Variants in ATP10A observed in about 807,000 individuals in gnomAD.
ATP10A encodes the protein phospholipid-transporting ATPase VA.
In ATP10A, 111 loss-of-function variants were observed where a neutral mutation model predicts 147.8. The observed-to-expected ratio is 0.75, with a 90% CI of 0.64 to 0.88. ATP10A has a LOEUF of 0.88. Ranked by LOEUF, ATP10A falls within the 40% of genes least tolerant of loss-of-function variation. The pLI, the probability that ATP10A is intolerant of heterozygous loss-of-function variation, is 0.00. For missense variants in ATP10A, 1,927 were observed against 1,959.0 expected, an observed-to-expected ratio of 0.98 and a Z score of 0.31; for synonymous variants, 875 against 841.6, an observed-to-expected ratio of 1.04 and a Z score of -0.69.
rs75735941 is a variant in ATP10A, at chr15:25,832,834, T to A, written c.449+29814A>T. ...AAGAGAGGATTTTGAATGCTCCCAA[T>A]AAAAAGAAATAAGTATTTGAGGTGA... is the stretch of plus-strand genomic sequence containing the variant. On this transcript the variant is annotated intron_variant, in intron 1 of 20. Coordinates refer to ENST00000555815, the MANE Select transcript of ATP10A (RefSeq NM_024490.4). Among the ~76,000 whole-genome samples, 17 of 152,214 alleles carry A rather than the reference T, an allele frequency of 1.1e-4. No homozygotes were observed. In the East Asian group the frequency reaches 3.3e-3, roughly 29 times the overall value.
chr15:25,800,557 C>A (rs1158465064), intron 1 of ATP10A, among the ~76,000 whole-genome samples: 1 of 152,202 alleles, frequency 6.6e-6, no homozygotes, highest in African/African-American at 2.4e-5. Flanking sequence ...GGCGCTGCTG[C>A]TCCCTGGCAC....
intron 8 of ATP10A, 109 bp downstream of exon 8, chr15:25,718,073 A>G: frequency 1.7e-6 from 2 of 1,208,610 alleles, no homozygotes; most frequent in African/African-American, 3.0e-5. Context: ...CAAGCCGCCC[A>G]GCGACAGTGT....
intron 2 of ATP10A, among the ~76,000 whole-genome samples, chr15:25,759,519 CTG>C (rs760300342): frequency 2.6e-5 from 4 of 152,120 alleles, no homozygotes; most frequent in Admixed American, 6.5e-5. Context: ...TAATAGAAAA[CTG>C]TGGGCCAGGT....
At chr15:25,689,607 T>C (rs78133194) in intron 15 of ATP10A, among the ~76,000 whole-genome samples, 4,714 of 152,204 alleles carry the variant, frequency 0.031, 252 homozygotes, top group African/African-American at 0.11. Context: ...CCCAAGTGCA[T>C]AGGATGGTAA....
At chr15:25,821,974 G>A (rs1475386248) in intron 1 of ATP10A, among the ~76,000 whole-genome samples, 1 of 152,106 alleles carries the variant, frequency 6.6e-6, no homozygotes, top group African/African-American at 2.4e-5. Flanking sequence ...ACTGGTTCTA[G>A]GAGTCCCCCA....
At chr15:25,737,849 GAC>G (rs1423701890) in intron 2 of ATP10A, among the ~76,000 whole-genome samples, 3 of 152,094 alleles carry the variant, frequency 2.0e-5, no homozygotes, top group Admixed American at 6.5e-5. Flanking sequence ...AGGACGCAAA[GAC>G]ACACAGAGGG....
chr15:25,743,108 G>A (rs1371030468), intron 2 of ATP10A, among the ~76,000 whole-genome samples: 2 of 152,194 alleles, frequency 1.3e-5, no homozygotes, highest in East Asian at 3.9e-4. Context: ...TGTAATAAAA[G>A]GGACCCTAAA....
intron 1 of ATP10A, among the ~76,000 whole-genome samples, chr15:25,822,544 C>G (rs1891934612): frequency 6.6e-6 from 1 of 152,066 alleles, no homozygotes; most frequent in Non-Finnish European, 1.5e-5. Flanking sequence ...AAGTAATACT[C>G]CCAGTTTACA....
intron 12 of ATP10A, among the ~76,000 whole-genome samples, chr15:25,706,355 G>T (rs80265166): frequency 0.014 from 2,130 of 152,292 alleles, 19 homozygotes; most frequent in Non-Finnish European, 0.019. Context: ...CCACACAACC[G>T]CTCAGTGCCA....
At chr15:25,795,303 G>A (rs973917437) in intron 1 of ATP10A, among the ~76,000 whole-genome samples, 1 of 152,030 alleles carries the variant, frequency 6.6e-6, no homozygotes, top group South Asian at 2.1e-4. Context: ...TAAGACACAG[G>A]CCCACGGAGG....
intron 3 of ATP10A, among the ~76,000 whole-genome samples, chr15:25,733,656 C>CAA (rs1195006964): frequency 6.6e-6 from 1 of 152,188 alleles, no homozygotes; most frequent in Non-Finnish European, 1.5e-5. Flanking sequence ...GTGGAGATGG[C>CAA]GAATTATCGT....
chr15:25,767,990 G>T (rs1382124657), intron 2 of ATP10A, among the ~76,000 whole-genome samples: 1 of 152,226 alleles, frequency 6.6e-6, no homozygotes, highest in Non-Finnish European at 1.5e-5. Flanking sequence ...GGCCAAGGGG[G>T]TCCAACGGGC....
chr15:25,842,508 T>C (rs2140893259), intron 1 of ATP10A, among the ~76,000 whole-genome samples: 1 of 152,248 alleles, frequency 6.6e-6, no homozygotes, highest in Non-Finnish European at 1.5e-5. Flanking sequence ...GAAGCCCCTG[T>C]TTTTAAAGTT....
chr15:25,679,568 G>T lies in ATP10A; in HGVS notation c.4273C>A (p.Pro1425Thr), dbSNP rs1316893714. 1 of 1,611,084 alleles carries T rather than the reference G, an allele frequency of 6.2e-7. No individual in the cohort carries two copies. The highest frequency in any genetic ancestry group is 8.5e-7 in the Non-Finnish European group (1 of 1,177,824). The change falls in exon 21 of 21, where the codon CCC becomes ACC. Residue 1425 changes from proline to threonine, a missense_variant. Transcript: ENST00000555815. ...GGCAGGCTGAAGAGGGAAGACAGGG[G>T]GGTCACCCTGCCGGTGCTGGCAGCT... ...VRAASTGRVT[P>T]LSSLFSLPTF...
chr15:25,774,368 A>G (rs1248869194), intron 2 of ATP10A, among the ~76,000 whole-genome samples: 1 of 152,220 alleles, frequency 6.6e-6, no homozygotes, highest in Non-Finnish European at 1.5e-5. Context: ...TGAGGTCCAG[A>G]GTTCAAGACC....
chr15:25,755,565 T>A (rs1888368037), intron 2 of ATP10A, among the ~76,000 whole-genome samples: 1 of 152,182 alleles, frequency 6.6e-6, no homozygotes, highest in African/African-American at 2.4e-5. Context: ...CAAAAAATCG[T>A]TGCCACTTGT....
At chr15:25,798,530 A>G (rs1437480938) in intron 1 of ATP10A, among the ~76,000 whole-genome samples, 1 of 152,194 alleles carries the variant, frequency 6.6e-6, no homozygotes, top group Admixed American at 6.5e-5. Flanking sequence ...GTGTGTAATT[A>G]AATGACCCTG....
At chr15:25,680,701 G>T in intron 19 of ATP10A, 109 bp downstream of exon 19, 1 of 1,015,886 alleles carries the variant, frequency 9.8e-7, no homozygotes, top group Non-Finnish European at 1.5e-6. Flanking sequence ...CAGCTTTGCA[G>T]TCTCCTGTCT....
At chr15:25,751,388 A>C (rs1168773757) in intron 2 of ATP10A, among the ~76,000 whole-genome samples, 1 of 152,122 alleles carries the variant, frequency 6.6e-6, no homozygotes, top group Non-Finnish European at 1.5e-5. Context: ...AACACAGAAG[A>C]CTTGAATAAC....
Sources: allele counts gnomAD v4.1 joint callset (sites outside exome capture counted in the v4.1 genomes callset), GRCh38; gene constraint gnomAD v4.1.1; transcripts MANE v1.5; gene names NCBI Gene and HGNC (gene_info 2026-07-23, HGNC 2026-07-21).